Variants in PPEF1 observed in about 807,000 individuals in gnomAD.
PPEF1 encodes serine/threonine-protein phosphatase with EF-hands 1.
PPEF1 carries 12 observed loss-of-function variants against 53.3 expected under a neutral mutation model. The observed-to-expected ratio is 0.23, with a 90% CI of 0.14 to 0.36. PPEF1 has a LOEUF of 0.36. Ranked by LOEUF, PPEF1 falls within the 10% of genes least tolerant of loss-of-function variation. The pLI is 1.00. For missense variants in PPEF1, 334 were observed against 490.4 expected (o/e 0.68, Z 3.01); for synonymous variants, 165 against 176.7 (o/e 0.93, Z 0.52).
intron 6 of PPEF1, among the ~76,000 whole-genome samples, chrX:18,764,714 A>G (rs772150506): frequency 2.1e-4 from 23 of 111,897 alleles, no homozygotes; most frequent in African/African-American, 6.8e-4. Flanking sequence ...GGGGCAGGGC[A>G]TGTGGAGAAC....
chrX:18,761,898 T>A (rs2045675275), intron 6 of PPEF1, among the ~76,000 whole-genome samples: 1 of 111,568 alleles, frequency 9.0e-6, no homozygotes. Context: ...GGATGCAGTC[T>A]GTTTTATTTT....
upstream of PPEF1, among the ~76,000 whole-genome samples, chrX:18,705,599 C>T (rs1263976437): frequency 2.7e-5 from 3 of 111,403 alleles, no homozygotes; most frequent in African/African-American, 9.8e-5. Flanking sequence ...CCTGTAGTTC[C>T]AGCTGCTCAG....
chrX:18,692,745 C>A (rs919934141), intron 4 of PPEF1, among the ~76,000 whole-genome samples: 1 of 111,953 alleles, frequency 8.9e-6, no homozygotes, highest in Non-Finnish European at 1.9e-5. Context: ...TCAGCTTACC[C>A]TCAGGCTCCC....
chrX:18,826,997 T>G (rs1257002336), intron 15 of PPEF1, among the ~76,000 whole-genome samples: 9 of 111,575 alleles, frequency 8.1e-5, no homozygotes, highest in African/African-American at 2.9e-4. Context: ...TCTTGTAATT[T>G]CTATACCACA....
chrX:18,680,085 T>G (rs1277673363), upstream of PPEF1, among the ~76,000 whole-genome samples: 30 of 90,550 alleles, frequency 3.3e-4, no homozygotes, highest in Non-Finnish European at 4.7e-4. Flanking sequence ...CAAGACCCTG[T>G]CCTCAAAAAA....
At chrX:18,817,991 A>G (rs770807838) in intron 12 of PPEF1, 48 bp from the exon 13 acceptor site, 1 of 960,617 alleles carries the variant, frequency 1.0e-6, no homozygotes, top group East Asian at 3.1e-5. Flanking sequence ...AATGAAACAC[A>G]ACAGGATGAT....
intron 9 of PPEF1, among the ~76,000 whole-genome samples, chrX:18,785,212 C>A (rs1179404176): frequency 9.0e-6 from 1 of 111,616 alleles, no homozygotes; most frequent in African/African-American, 3.3e-5. Context: ...ACCTCCAGAC[C>A]AGATGAGATC....
Position 18,749,895 on chromosome X carries a change from A to G in PPEF1, c.339A>G (p.Gln113=). Residue 113 remains glutamine (Q), a synonymous_variant, in exon 4 of 16, where the codon CAA becomes CAG. Transcript: ENST00000470157. ...ACTCCTATAATGGTCCTCGGCTACA[A>G]TTTCCTCTCACTTGTACGGATATTG... ...VPDSYNGPRL[Q]FPLTCTDIDL... is the part of the protein sequence containing the mutation. The G allele has an allele frequency of 8.3e-7, 1 of 1,204,368 alleles. No homozygotes were observed. Among genetic ancestry groups the G allele is most frequent in the African/African-American group, 1.7e-5 (1 of 57,311 alleles).
At chrX:18,739,250 C>A (rs142549764) in intron 3 of PPEF1, among the ~76,000 whole-genome samples, 90 of 112,423 alleles carry the variant, frequency 8.0e-4, no homozygotes, top group African/African-American at 2.7e-3. Context: ...TCTGGTTTCT[C>A]CGCATCTTTG....
At chrX:18,789,378 A>G in intron 10 of PPEF1, 105 bp downstream of exon 10, 1 of 785,518 alleles carries the variant, frequency 1.3e-6, no homozygotes, top group Non-Finnish European at 1.8e-6. Flanking sequence ...CGAGGAGACC[A>G]CATGATTCTC....
intron 7 of PPEF1, 127 bp downstream of exon 7, chrX:18,779,303 C>A: frequency 1.6e-6 from 1 of 618,951 alleles, no homozygotes; most frequent in Non-Finnish European, 2.3e-6. Flanking sequence ...TCAAGGAGGA[C>A]TTCAATTCTT....
chrX:18,753,841 C>T (rs186653805), intron 4 of PPEF1, among the ~76,000 whole-genome samples: 5 of 111,071 alleles, frequency 4.5e-5, no homozygotes, highest in Non-Finnish European at 7.6e-5. Context: ...TTTTTAAATT[C>T]GATGCGGTTT....
At chrX:18,677,984 C>A, upstream of PPEF1, among the ~76,000 whole-genome samples, 1 of 110,075 alleles carries the variant, frequency 9.1e-6, no homozygotes, top group South Asian at 4.0e-4. Context: ...GAGGGAGAGG[C>A]CGGGGCGCTG....
At chrX:18,742,933 A>G (rs780129015) in intron 3 of PPEF1, among the ~76,000 whole-genome samples, 1 of 111,761 alleles carries the variant, frequency 8.9e-6, no homozygotes, top group East Asian at 2.8e-4. Flanking sequence ...TCTTTACATG[A>G]TGGCTGGGTC....
intron 13 of PPEF1, among the ~76,000 whole-genome samples, chrX:18,820,373 A>G (rs2047007353): frequency 1.0e-5 from 1 of 98,113 alleles, no homozygotes; most frequent in African/African-American, 3.7e-5. Flanking sequence ...CAAACAGATA[A>G]AAGATTAGCA....
At chrX:18,687,685 C>CTTTTT (rs370867326) in intron 3 of PPEF1, among the ~76,000 whole-genome samples, 4 of 89,151 alleles carry the variant, frequency 4.5e-5, no homozygotes, top group African/African-American at 9.2e-5. Flanking sequence ...AAATATTCTT[C>CTTTTT]TTTTTTTTTT....
chrX:18,741,266 G>A (rs916621551), intron 3 of PPEF1, among the ~76,000 whole-genome samples: 12 of 111,585 alleles, frequency 1.1e-4, no homozygotes, highest in Non-Finnish European at 1.9e-5. Flanking sequence ...AAATGAAACA[G>A]CACTTTCTGC....
At chrX:18,739,752 G>A (rs2045098078) in intron 3 of PPEF1, among the ~76,000 whole-genome samples, 2 of 112,452 alleles carry the variant, frequency 1.8e-5, no homozygotes, top group Admixed American at 1.9e-4. Flanking sequence ...ATAGAGGCAG[G>A]CAGGCCTCCT....
At chrX:18,683,463 G>T (rs1376315557) in intron 1 of PPEF1, among the ~76,000 whole-genome samples, 1 of 111,638 alleles carries the variant, frequency 9.0e-6, no homozygotes, top group East Asian at 2.8e-4. Context: ...TATTCTAAGT[G>T]CTTCACTCGT....
Sources: allele counts gnomAD v4.1 joint callset (sites outside exome capture counted in the v4.1 genomes callset), GRCh38; gene constraint gnomAD v4.1.1; transcripts MANE v1.5; gene names NCBI Gene and HGNC (gene_info 2026-07-23, HGNC 2026-07-21).